DNAJC12: variants seen among roughly 807,000 people sequenced by gnomAD.
DNAJC12 encodes DnaJ heat shock protein family (Hsp40) member C12.
DNAJC12 carries 25 observed loss-of-function variants against 28.5 expected under a neutral mutation model. The ratio of observed to expected loss-of-function variants is 0.88; its 90% CI spans 0.64 to 1.22. The LOEUF is 1.22. DNAJC12 is among the 50% of genes most tolerant of loss of function. The probability of loss-of-function intolerance (pLI) is 0.00; values close to 1 mark genes in which losing one functional copy is unlikely to be tolerated. For synonymous variants in DNAJC12, 77 were observed against 80.6 expected (o/e 0.95, Z 0.24); for missense variants, 222 against 231.7 (o/e 0.96, Z 0.27).
intron 2 of DNAJC12, among the ~76,000 whole-genome samples, chr10:67,814,472 G>A (rs978069864): frequency 6.6e-6 from 1 of 151,606 alleles, no homozygotes; most frequent in Non-Finnish European, 1.5e-5. Flanking sequence ...CCTTAGATAT[G>A]ACACCAAAAG....
rs561825271 is a variant in DNAJC12 at position 67,796,701 on chromosome 10, C to A, written c.*415G>T. The A allele has an allele frequency of 1.3e-5, 2 of 152,928 alleles. No homozygotes were observed. The highest frequency in any genetic ancestry group is 2.1e-4 in the South Asian group (1 of 4,834). 9.5% of individuals were successfully genotyped at this position (152,928 alleles called of 1,614,324 possible). On this transcript the variant is annotated 3_prime_UTR_variant, in exon 5 of 5. Transcript: ENST00000225171. Reference sequence around the variant, plus strand: ...TGGGAAAATTATTTATTTCTCCCCACGGGGTTCAGACAAGTAATTTCACAT... The same window carrying A: ...TGGGAAAATTATTTATTTCTCCCCAAGGGGTTCAGACAAGTAATTTCACAT...
chr10:67,829,826 A>G (rs966221868), intron 1 of DNAJC12, among the ~76,000 whole-genome samples: 5 of 152,128 alleles, frequency 3.3e-5, no homozygotes, highest in Admixed American at 6.5e-5. Flanking sequence ...TTAAAAAATT[A>G]TCTTGTCATA....
intron 1 of DNAJC12, among the ~76,000 whole-genome samples, chr10:67,836,687 G>A (rs939360050): frequency 6.6e-6 from 1 of 151,988 alleles, no homozygotes. Context: ...TGGGGGCGGG[G>A]CAGTTTTTTT....
intron 1 of DNAJC12, chr10:67,827,742 G>T (rs1243098076): frequency 6.6e-6 from 1 of 151,818 alleles, no homozygotes; most frequent in Non-Finnish European, 1.5e-5. Flanking sequence ...GTGTCAAAAT[G>T]GTTGATTCTC....
intron 3 of DNAJC12, among the ~76,000 whole-genome samples, 183 bp from the exon 4 acceptor site, chr10:67,805,970 A>G (rs576035535): frequency 6.6e-6 from 1 of 152,366 alleles, no homozygotes; most frequent in South Asian, 2.1e-4. Context: ...AACTATTAAT[A>G]GTTACTTTTC....
At chr10:67,802,419 A>G (rs1250746321) in intron 4 of DNAJC12, among the ~76,000 whole-genome samples, 1 of 152,150 alleles carries the variant, frequency 6.6e-6, no homozygotes, top group African/African-American at 2.4e-5. Flanking sequence ...AGTTTTACCT[A>G]TTGCCATCAC....
intron 3 of DNAJC12, 117 bp downstream of exon 3, chr10:67,811,407 C>T (rs756277537): frequency 6.5e-6 from 10 of 1,532,918 alleles, no homozygotes; most frequent in Non-Finnish European, 8.8e-6. Context: ...CCAGACTCTG[C>T]TAACTTCTTG....
At chr10:67,816,229 A>C (rs2131801189) in intron 2 of DNAJC12, 1 of 395,494 alleles carries the variant, frequency 2.5e-6, no homozygotes, top group African/African-American at 2.1e-5. Flanking sequence ...CAATTACTTA[A>C]GAAATAATAA....
At chr10:67,819,739 G>A (rs1325923000) in intron 2 of DNAJC12, among the ~76,000 whole-genome samples, 20 of 20,684 alleles carry the variant, frequency 9.7e-4, no homozygotes, top group African/African-American at 1.3e-3. Context: ...AGGAAGGAAG[G>A]AAGGAAGGAA....
chr10:67,819,773 AGGAAGG>A (rs1564863619), intron 2 of DNAJC12, among the ~76,000 whole-genome samples: 2,120 of 24,846 alleles, frequency 0.085, 202 homozygotes, highest in South Asian at 0.21. Context: ...GAAGGAAGGA[AGGAAGG>A]GGAAGGAAGG....
Position 67,823,271 on chromosome 10 carries a change from T to C in DNAJC12, c.157+43A>G, listed in dbSNP as rs760217184. The C allele has an allele frequency of 4.9e-5, 76 of 1,536,918 alleles. No individual in the cohort carries two copies. In the East Asian group the frequency reaches 1.5e-3, roughly 31 times the overall value. On this transcript the variant is annotated intron_variant, in intron 2 of 4. Transcript: ENST00000225171. ...CTATTCACTGGCTTTTGGTTCTATA[T>C]ACTACTCATTTTCTTGAGAAGTAGC...
intron 4 of DNAJC12, among the ~76,000 whole-genome samples, chr10:67,801,658 C>T (rs558715639): frequency 1.3e-4 from 20 of 151,314 alleles, no homozygotes; most frequent in Non-Finnish European, 2.4e-4. Flanking sequence ...GGTGTGGTGG[C>T]GGGTGCCTGT....
rs1182475977 is a variant in DNAJC12, at chr10:67,811,599, G to A, written c.222C>T (p.Arg74=). Residue 74 remains arginine (R), a synonymous_variant, in exon 3 of 5, where the codon CGC becomes CGT. Coordinates refer to ENST00000225171, the MANE Select transcript of DNAJC12 (RefSeq NM_021800.3). ...TCTGGCTCCTTCGCCAGTGGTCATA[G>A]CGGGCTCGACTCTCTTCATTGGTCA... The part of the protein sequence containing the change: ...EILTNEESRA[R]YDHWRRSQMS... The A allele has an allele frequency of 6.2e-7, 1 of 1,614,208 alleles. No homozygotes were observed. Among genetic ancestry groups the A allele is most frequent in the South Asian group, 1.1e-5 (1 of 91,086 alleles).
chr10:67,823,195 A>T, intron 2 of DNAJC12, 119 bp downstream of exon 2: 1 of 784,938 alleles, frequency 1.3e-6, no homozygotes. Context: ...AGTGCAAAGA[A>T]AGAATACGGT....
intron 1 of DNAJC12, among the ~76,000 whole-genome samples, chr10:67,823,794 G>T (rs1233115460): frequency 1.3e-5 from 2 of 151,820 alleles, no homozygotes; most frequent in South Asian, 2.1e-4. Flanking sequence ...AACTTTTTTT[G>T]ATCCTTATAT....
chr10:67,805,115 C>T (rs566946877), intron 4 of DNAJC12, among the ~76,000 whole-genome samples: 1 of 152,222 alleles, frequency 6.6e-6, no homozygotes, highest in South Asian at 2.1e-4. Context: ...TGAAGTCAAC[C>T]TGCCTTGGTT....
chr10:67,835,429 C>G (rs12416174), intron 1 of DNAJC12, among the ~76,000 whole-genome samples: 1 of 152,154 alleles, frequency 6.6e-6, no homozygotes, highest in South Asian at 2.1e-4. Context: ...CGGTGGCTCA[C>G]GTCTGTAATC....
At chr10:67,821,456 C>T (rs532140620) in intron 2 of DNAJC12, among the ~76,000 whole-genome samples, 103 of 152,168 alleles carry the variant, frequency 6.8e-4, no homozygotes, top group Non-Finnish European at 1.2e-3. Flanking sequence ...GCAGAGGTTG[C>T]AGTGAGCCAA....
intron 1 of DNAJC12, among the ~76,000 whole-genome samples, chr10:67,828,873 C>G (rs1218708554): frequency 1.3e-5 from 2 of 152,110 alleles, no homozygotes; most frequent in Non-Finnish European, 1.5e-5. Flanking sequence ...TCAACTCAGA[C>G]AGACATCGCC....
Sources: allele counts gnomAD v4.1 joint callset (sites outside exome capture counted in the v4.1 genomes callset), GRCh38; gene constraint gnomAD v4.1.1; transcripts MANE v1.5; gene names NCBI Gene and HGNC (gene_info 2026-07-23, HGNC 2026-07-21).